Variants in PREX1 observed in about 807,000 individuals in gnomAD.
PREX1 encodes the protein phosphatidylinositol-3,4,5-trisphosphate dependent Rac exchange factor 1.
PREX1 carries 41 observed loss-of-function variants against 198.3 expected under a neutral mutation model. The ratio of observed to expected loss-of-function variants is 0.21; its 90% CI spans 0.16 to 0.27. PREX1 has a LOEUF of 0.27. Ranked by LOEUF, PREX1 falls within the 10% of genes least tolerant of loss-of-function variation. The pLI is 1.00. For missense variants in PREX1, 1,620 were observed against 2,200.7 expected (o/e 0.74, Z 5.28); for synonymous variants, 843 against 887.2 (o/e 0.95, Z 0.89).
At chr20:48,805,199 G>A (rs1200993819) in intron 1 of PREX1, among the ~76,000 whole-genome samples, 2 of 152,234 alleles carry the variant, frequency 1.3e-5, no homozygotes, top group African/African-American at 2.4e-5. Context: ...CCTTGTTCTA[G>A]AACAGCTTGC....
chr20:48,763,234 A>T (rs1270941065), intron 1 of PREX1, among the ~76,000 whole-genome samples: 1 of 152,256 alleles, frequency 6.6e-6, no homozygotes, highest in African/African-American at 2.4e-5. Context: ...ACTAGGAAGC[A>T]CTGTACGAAC....
At chr20:48,881,524 T>C in the PREX1 span, among the ~76,000 whole-genome samples, 1 of 151,658 alleles carries the variant, frequency 6.6e-6, no homozygotes, top group Non-Finnish European at 1.5e-5. Flanking sequence ...TCTCACTCTG[T>C]CACCCAGGCT....
chr20:48,739,595 T>G (rs1431575688), intron 3 of PREX1, among the ~76,000 whole-genome samples: 1 of 152,220 alleles, frequency 6.6e-6, no homozygotes, highest in Non-Finnish European at 1.5e-5. Flanking sequence ...CCTCATTTGT[T>G]AAATTACCCT....
the PREX1 span, among the ~76,000 whole-genome samples, chr20:48,851,709 T>C: frequency 6.6e-6 from 1 of 152,086 alleles, no homozygotes; most frequent in Non-Finnish European, 1.5e-5. Flanking sequence ...TGTCCCCGCC[T>C]TCCTGAAGGA....
chr20:48,702,631 G>C (rs1380340129), intron 6 of PREX1, among the ~76,000 whole-genome samples: 1 of 152,210 alleles, frequency 6.6e-6, no homozygotes, highest in African/African-American at 2.4e-5. Flanking sequence ...ATACACTGCA[G>C]CGGGTGGTGG....
chr20:48,630,838 C>T (rs1266284133), intron 35 of PREX1, 44 bp from the exon 36 acceptor site: 1 of 1,435,180 alleles, frequency 7.0e-7, no homozygotes, highest in Non-Finnish European at 9.8e-7. Flanking sequence ...ACCACACCCA[C>T]CATCCTCCTG....
intron 1 of PREX1, among the ~76,000 whole-genome samples, chr20:48,765,189 A>G (rs1226234395): frequency 2.0e-5 from 3 of 152,236 alleles, no homozygotes; most frequent in African/African-American, 7.2e-5. Context: ...GATTACTACA[A>G]AACAGATATT....
chr20:48,701,274 C>T (rs551730830), intron 6 of PREX1, among the ~76,000 whole-genome samples: 5 of 152,236 alleles, frequency 3.3e-5, no homozygotes, highest in Admixed American at 1.3e-4. Flanking sequence ...TGCAATGGCG[C>T]GATCTCGGCT....
intron 7 of PREX1, among the ~76,000 whole-genome samples, chr20:48,693,188 G>GTCCATCCA (rs10626115): frequency 0.23 from 33,933 of 150,740 alleles, 4,444 homozygotes; most frequent in African/African-American, 0.37. Flanking sequence ...CTGGCAGTCC[G>GTCCATCCA]TCCATCCATC....
rs185690456 is a variant in PREX1 at position 48,684,463 on chromosome 20, G to A, written c.1335-3128C>T. 1.3e-4 allele frequency among the ~76,000 whole-genome samples: 20 copies of A among 152,262 alleles called. 1 individual carries two copies. Among genetic ancestry groups the A allele is most frequent in the Admixed American group, 8.5e-4 (13 of 15,296 alleles). ...GCACACTAACACCCTGCACCTGTGC[G>A]TACAGGTGGCCAAGACACCAAGGCC... is the stretch of plus-strand genomic sequence containing the variant. On this transcript the variant is annotated intron_variant, in intron 10 of 39. Transcript: ENST00000371941. The surrounding 1 kb of genome is among the most constrained non-coding windows in gnomAD (Gnocchi z 4.2).
chr20:48,626,705 G>A (rs1172862566), intron 39 of PREX1, among the ~76,000 whole-genome samples: 1 of 152,240 alleles, frequency 6.6e-6, no homozygotes, highest in Admixed American at 6.5e-5. Flanking sequence ...CGTCACCACT[G>A]GCAGCAGGTG....
At chr20:48,716,322 C>T (rs780206287) in intron 5 of PREX1, among the ~76,000 whole-genome samples, 12 of 152,238 alleles carry the variant, frequency 7.9e-5, no homozygotes, top group African/African-American at 2.2e-4. Context: ...ATCACATTTA[C>T]TCAAAGGATG....
At chr20:48,839,887 C>T in the PREX1 span, among the ~76,000 whole-genome samples, 6 of 152,236 alleles carry the variant, frequency 3.9e-5, no homozygotes, top group Non-Finnish European at 8.8e-5. Flanking sequence ...GTCTGAATGT[C>T]TCCCTGGAGG....
intron 3 of PREX1, among the ~76,000 whole-genome samples, chr20:48,742,480 T>C (rs1320944907): frequency 3.3e-5 from 5 of 152,104 alleles, no homozygotes; most frequent in Admixed American, 2.0e-4. Flanking sequence ...AGAGCTAGGA[T>C]GCAAAGTCGA....
At chr20:48,711,258 C>T (rs557788001) in intron 5 of PREX1, among the ~76,000 whole-genome samples, 3 of 152,160 alleles carry the variant, frequency 2.0e-5, no homozygotes, top group Non-Finnish European at 4.4e-5. Flanking sequence ...ACACAGATGA[C>T]GGCAGACACT....
intron 4 of PREX1, among the ~76,000 whole-genome samples, chr20:48,730,910 G>A (rs945935953): frequency 6.6e-6 from 1 of 152,104 alleles, no homozygotes; most frequent in African/African-American, 2.4e-5. Context: ...ATGGGAGGAT[G>A]GCTTGAGTCT....
At chr20:48,752,507 A>T (rs1452571465) in intron 1 of PREX1, among the ~76,000 whole-genome samples, 1 of 152,212 alleles carries the variant, frequency 6.6e-6, no homozygotes, top group Non-Finnish European at 1.5e-5. Flanking sequence ...TCTCATGTGC[A>T]GGGCAGGCCA....
At chr20:48,880,566 AG>A in the PREX1 span, among the ~76,000 whole-genome samples, 3 of 152,162 alleles carry the variant, frequency 2.0e-5, no homozygotes, top group Non-Finnish European at 2.9e-5. Flanking sequence ...TCGGGCAGCA[AG>A]AAGAAGGAAA....
chr20:48,738,531 G>A (rs866116683), intron 3 of PREX1, among the ~76,000 whole-genome samples: 3 of 152,192 alleles, frequency 2.0e-5, no homozygotes, highest in African/African-American at 2.4e-5. Context: ...CTGCAAATAC[G>A]GAAACGCTGC....
Sources: allele counts gnomAD v4.1 joint callset (sites outside exome capture counted in the v4.1 genomes callset), GRCh38; gene constraint gnomAD v4.1.1; non-coding constraint Gnocchi (gnomAD v3.1); transcripts MANE v1.5; gene names NCBI Gene and HGNC (gene_info 2026-07-23, HGNC 2026-07-21).